ATF2: variants seen among roughly 807,000 people sequenced by gnomAD.
The protein encoded by ATF2 is cyclic AMP-dependent transcription factor ATF-2.
In ATF2, 24 loss-of-function variants were observed where a neutral mutation model predicts 60.6. That is an observed-to-expected ratio of 0.40 (90% CI 0.29 to 0.56). The LOEUF (loss-of-function observed/expected upper bound fraction) is 0.56, where lower values mean the gene tolerates loss of function less well. ATF2 is among the 20% of genes least tolerant of loss of function. The probability of loss-of-function intolerance (pLI) is 0.54; values close to 1 mark genes in which losing one functional copy is unlikely to be tolerated. For synonymous variants in ATF2, 206 were observed against 215.4 expected (o/e 0.96, Z 0.38); for missense variants, 433 against 607.7 (o/e 0.71, Z 3.02).
intron 9 of ATF2, 63 bp downstream of exon 9, chr2:175,113,931 C>A: frequency 7.1e-7 from 1 of 1,400,270 alleles, no homozygotes; most frequent in Non-Finnish European, 1.0e-6. Flanking sequence ...AAGCAGCCAA[C>A]TTTATTTTCT....
At chr2:175,161,630 C>G (rs985407843) in intron 1 of ATF2, among the ~76,000 whole-genome samples, 2 of 152,194 alleles carry the variant, frequency 1.3e-5, no homozygotes, top group Non-Finnish European at 2.9e-5. Context: ...ATTTGGCTAT[C>G]ATATACTCAT....
At chr2:175,116,605 A>C (rs1696588569) in intron 7 of ATF2, among the ~76,000 whole-genome samples, 1 of 151,938 alleles carries the variant, frequency 6.6e-6, no homozygotes, top group South Asian at 2.1e-4. Context: ...GGCCTGGATG[A>C]GATCACCTAG....
intron 4 of ATF2, among the ~76,000 whole-genome samples, chr2:175,122,749 C>T (rs112748533): frequency 3.4e-5 from 5 of 148,658 alleles, no homozygotes; most frequent in South Asian, 4.2e-4. Context: ...GAGCTCCTAC[C>T]GTGGTCCCCC....
chr2:175,141,239 C>T (rs185012433), intron 2 of ATF2, among the ~76,000 whole-genome samples: 4 of 151,442 alleles, frequency 2.6e-5, no homozygotes, highest in Middle Eastern at 3.4e-3. Context: ...GTGAAACTCA[C>T]CCTAGTTTTT....
At chr2:175,142,718 AGAGTGTGTGT>A (rs1456163090) in intron 2 of ATF2, among the ~76,000 whole-genome samples, 22 of 113,442 alleles carry the variant, frequency 1.9e-4, no homozygotes, top group South Asian at 3.3e-4. Flanking sequence ...AGAGAGAGAG[AGAGTGTGTGT>A]GTGTGTGTGT....
At chr2:175,126,728 G>C (rs1697363596) in intron 4 of ATF2, 1 of 152,134 alleles carries the variant, frequency 6.6e-6, no homozygotes, top group South Asian at 2.1e-4. Context: ...AAGCAGAAGA[G>C]AATCAGGAAA....
chr2:175,120,322 C>T (rs1331116126), intron 5 of ATF2, among the ~76,000 whole-genome samples: 1 of 151,318 alleles, frequency 6.6e-6, no homozygotes, highest in Non-Finnish European at 1.5e-5. Flanking sequence ...CATTATCTCA[C>T]TCTTCTGTAT....
intron 3 of ATF2, among the ~76,000 whole-genome samples, chr2:175,133,551 T>A (rs1697903435): frequency 6.6e-6 from 1 of 152,176 alleles, no homozygotes; most frequent in Admixed American, 6.6e-5. Context: ...GAAAAAAGAT[T>A]TTTAGCCAAA....
At chr2:175,139,560 C>T (rs542440094) in intron 2 of ATF2, among the ~76,000 whole-genome samples, 1 of 151,732 alleles carries the variant, frequency 6.6e-6, no homozygotes, top group East Asian at 1.9e-4. Flanking sequence ...TAAATCCCAG[C>T]TACTCGGGAG....
Position 175,114,086 on chromosome 2 carries a change from G to C in ATF2, c.649C>G (p.Leu217Val). Residue 217 changes from leucine (L) to valine (V), a missense_variant, in exon 9 of 14, where the codon CTT (leucine) becomes GTT (valine). Leu to Val is a conservative substitution (Grantham distance 32). This residue lies in a region of ATF2 where 246 missense variants were observed against 309.3 expected (regional missense o/e 0.80). Coordinates refer to ENST00000264110, the MANE Select transcript of ATF2 (RefSeq NM_001880.4). Reference sequence around the variant, plus strand: ...TGTCCATTAGGAAGATGTAACAGAAGAGGAAATGGGCCTGGTACAGGGCTA... The same window carrying C: ...TGTCCATTAGGAAGATGTAACAGAACAGGAAATGGGCCTGGTACAGGGCTA... Reference protein sequence around the residue: ...PIVPVPGPFPLLLHLPNGQTM... With the variant: ...PIVPVPGPFPVLLHLPNGQTM... 6.2e-7 allele frequency: 1 copy of C among 1,612,320 alleles called. No homozygotes were observed. The highest frequency in any genetic ancestry group is 1.1e-5 in the South Asian group (1 of 90,782).
intron 10 of ATF2, among the ~76,000 whole-genome samples, chr2:175,105,126 TAAGATTATATTTTAAGCTCTTTAA>T (rs1695568964): frequency 6.6e-6 from 1 of 152,230 alleles, no homozygotes; most frequent in South Asian, 2.1e-4. Flanking sequence ...TTAGCGTGTT[TAAGATTATATTTTAAGCTCTTTAA>T]AAGCAATCAT....
At chr2:175,126,374 T>C (rs1351525934) in intron 4 of ATF2, among the ~76,000 whole-genome samples, 3 of 152,046 alleles carry the variant, frequency 2.0e-5, no homozygotes, top group African/African-American at 7.2e-5. Context: ...TAAGCAAATA[T>C]GGGAATTATG....
At chr2:175,154,875 G>C (rs1699569025) in intron 1 of ATF2, among the ~76,000 whole-genome samples, 1 of 152,180 alleles carries the variant, frequency 6.6e-6, no homozygotes, top group African/African-American at 2.4e-5. Flanking sequence ...AAGAAACAGG[G>C]CCCAAAAAGT....
At chr2:175,112,404 G>A (rs918805940) in intron 9 of ATF2, among the ~76,000 whole-genome samples, 3 of 151,988 alleles carry the variant, frequency 2.0e-5, no homozygotes, top group African/African-American at 7.3e-5. Context: ...TTTAAAGAAG[G>A]CACATTATCT....
In ATF2 at chr2:175,118,062, C is replaced by T. The variant is rs201867123; in HGVS notation, c.375G>A (p.Glu125=). ...GGTGAGTTGTTTCTACAACAGAAGG[C>T]TCCTCAATTTTGCTTCTTATGATAG... ...ATPIIRSKIE[E]PSVVETTHQD... Residue 125 remains glutamate, a synonymous_variant, in exon 7 of 14, where the codon GAG becomes GAA. Transcript: ENST00000264110. 6.7e-5 allele frequency: 108 copies of T among 1,611,958 alleles called. No individual in the cohort carries two copies. Among genetic ancestry groups the T allele is most frequent in the Non-Finnish European group, 8.9e-5 (105 of 1,178,658 alleles).
At chr2:175,120,775 T>C (rs1333749557) in intron 5 of ATF2, among the ~76,000 whole-genome samples, 2 of 151,752 alleles carry the variant, frequency 1.3e-5, no homozygotes, top group Admixed American at 1.3e-4. Context: ...TATGTATATA[T>C]ACATAGATGT....
chr2:175,160,197 T>A (rs1699929551), intron 1 of ATF2, among the ~76,000 whole-genome samples: 1 of 152,022 alleles, frequency 6.6e-6, no homozygotes, highest in Non-Finnish European at 1.5e-5. Context: ...CCAACCTGGG[T>A]AACATAGTGA....
chr2:175,147,793 T>C (rs993886338), intron 2 of ATF2, among the ~76,000 whole-genome samples: 2 of 152,110 alleles, frequency 1.3e-5, no homozygotes, highest in Non-Finnish European at 2.9e-5. Context: ...CAGTGATACA[T>C]ATAATAATAA....
At chr2:175,123,455 A>G (rs1697107224) in intron 4 of ATF2, among the ~76,000 whole-genome samples, 2 of 152,076 alleles carry the variant, frequency 1.3e-5, no homozygotes, top group South Asian at 4.1e-4. Flanking sequence ...TTAAAACTGC[A>G]AACTCAACAA....
Sources: allele counts gnomAD v4.1 joint callset (sites outside exome capture counted in the v4.1 genomes callset), GRCh38; gene constraint gnomAD v4.1.1; regional missense constraint gnomAD v4.1.1; transcripts MANE v1.5; gene names NCBI Gene and HGNC (gene_info 2026-07-23, HGNC 2026-07-21).